Variants in PTPRN2 observed in about 807,000 individuals in gnomAD.
PTPRN2 encodes receptor-type tyrosine-protein phosphatase N2.
Under a neutral mutation model 118.8 loss-of-function variants are expected in PTPRN2, and 74 were observed. The observed-to-expected ratio is 0.62, with a 90% CI of 0.52 to 0.76. PTPRN2 has a LOEUF of 0.76. PTPRN2 is among the 30% of genes least tolerant of loss of function. The pLI is 0.00. For synonymous variants in PTPRN2, 641 were observed against 608.0 expected, an observed-to-expected ratio of 1.05 and a Z score of -0.80; for missense variants, 1,481 against 1,394.4, an observed-to-expected ratio of 1.06 and a Z score of -0.99.
At position 157,986,158 on chromosome 7, in the gene PTPRN2, C is replaced by T. The variant is rs929288010; in HGVS notation, c.1724-87421G>A. 2.0e-5 allele frequency among the ~76,000 whole-genome samples: 3 copies of T among 152,162 alleles called. No homozygotes were observed. The highest frequency in any genetic ancestry group is 7.2e-5 in the African/African-American group (3 of 41,424). On this transcript the variant is annotated intron_variant, in intron 11 of 22. Coordinates refer to ENST00000389418, the MANE Select transcript of PTPRN2 (RefSeq NM_002847.5). The surrounding 1 kb of genome is among the most constrained non-coding windows in gnomAD (Gnocchi z 4.5). ...AGCATGAGATAGATACCCTCATCTACAGCCCCGCTCTCGTATGTCCGGGGG... is the reference window on the plus strand; with the variant it reads ...AGCATGAGATAGATACCCTCATCTATAGCCCCGCTCTCGTATGTCCGGGGG...
intron 6 of PTPRN2, among the ~76,000 whole-genome samples, chr7:158,146,491 G>A (rs1460700779): frequency 2.0e-5 from 3 of 152,030 alleles, no homozygotes; most frequent in Non-Finnish European, 4.4e-5. Flanking sequence ...GGACGCTGAG[G>A]CATGCGGATC....
intron 11 of PTPRN2, among the ~76,000 whole-genome samples, chr7:158,075,006 T>C (rs1254944350): frequency 6.7e-6 from 1 of 150,260 alleles, no homozygotes; most frequent in East Asian, 1.9e-4. Context: ...GCCCTGTCGA[T>C]GGCGATGCAA....
At chr7:157,961,188 CTT>C (rs1179092472) in intron 11 of PTPRN2, among the ~76,000 whole-genome samples, 2 of 152,122 alleles carry the variant, frequency 1.3e-5, no homozygotes, top group African/African-American at 4.8e-5. Context: ...TTTCTTTCCT[CTT>C]TTGATTTTTT....
At chr7:157,899,960 G>T (rs544765955) in intron 11 of PTPRN2, among the ~76,000 whole-genome samples, 1 of 152,126 alleles carries the variant, frequency 6.6e-6, no homozygotes, top group South Asian at 2.1e-4. Flanking sequence ...CTGTCCTCCC[G>T]CAAACAGAGG....
At chr7:158,200,014 C>T (rs1194510553) in intron 4 of PTPRN2, among the ~76,000 whole-genome samples, 1 of 152,016 alleles carries the variant, frequency 6.6e-6, no homozygotes, top group Non-Finnish European at 1.5e-5. Flanking sequence ...ATTACGAATA[C>T]TAAAGAAGAG....
intron 2 of PTPRN2, among the ~76,000 whole-genome samples, chr7:158,414,292 G>T (rs890365908): frequency 3.9e-5 from 6 of 152,080 alleles, no homozygotes; most frequent in Non-Finnish European, 5.9e-5. Context: ...AAGACAAAGG[G>T]GCTGACAGGG....
rs934017791 is a variant in PTPRN2 at position 158,163,487 on chromosome 7, C to A, written c.910+3444G>T. 2.0e-5 allele frequency among the ~76,000 whole-genome samples: 3 copies of A among 148,336 alleles called. No individual in the cohort carries two copies. In the Admixed American group the frequency reaches 2.0e-4, roughly 10 times the overall value. On this transcript the variant is annotated intron_variant, in intron 6 of 22. Coordinates refer to ENST00000389418, the MANE Select transcript of PTPRN2 (RefSeq NM_002847.5). ...TTCTCTGCGTGTTTTGTAGGTGATA[C>A]CTGTACGGGGTTCTCAATTCTCTCT...
In PTPRN2 at chr7:157,964,873, G is replaced by A. The variant is rs1397939845; in HGVS notation, c.1724-66136C>T. On this transcript the variant is annotated intron_variant, in intron 11 of 22. Transcript: ENST00000389418. The surrounding 1 kb of genome is among the most constrained non-coding windows in gnomAD (Gnocchi z 9.0). ...TTTCTCCACCGCACAGACTCGCCAG[G>A]GCTTTGGTTTGTGAGTGCCCTGCAC... is the stretch of plus-strand genomic sequence containing the variant. 6.6e-6 allele frequency among the ~76,000 whole-genome samples: 1 copy of A among 152,208 alleles called. No homozygotes were observed. The highest frequency in any genetic ancestry group is 1.5e-5 in the Non-Finnish European group (1 of 68,050).
At chr7:158,063,944 T>C (rs1810560449) in intron 11 of PTPRN2, among the ~76,000 whole-genome samples, 1 of 152,168 alleles carries the variant, frequency 6.6e-6, no homozygotes, top group Admixed American at 6.5e-5. Flanking sequence ...GCTCAGAAAG[T>C]GAGACACACT....
intron 12 of PTPRN2, among the ~76,000 whole-genome samples, chr7:157,895,411 C>T (rs537033292): frequency 7.3e-5 from 11 of 151,332 alleles, no homozygotes; most frequent in African/African-American, 1.9e-4. Context: ...AGGATCTGGA[C>T]GAGACCATAA....
intron 2 of PTPRN2, among the ~76,000 whole-genome samples, chr7:158,363,428 A>G (rs1024087112): frequency 2.0e-5 from 3 of 152,086 alleles, no homozygotes; most frequent in Non-Finnish European, 4.4e-5. Context: ...AAAAAACAAA[A>G]CATACAAGTG....
intron 3 of PTPRN2, among the ~76,000 whole-genome samples, chr7:158,253,579 G>A (rs558800814): frequency 3.9e-4 from 59 of 152,228 alleles, no homozygotes; most frequent in African/African-American, 1.3e-3. Context: ...CCAGGACCGC[G>A]CCCCACAGGA....
Position 157,813,915 on chromosome 7 carries a change from C to G in PTPRN2, c.1788+84758G>C, listed in dbSNP as rs1806216059. ...GTTCCCCAGGTGATGCTGCTGGTGA[C>G]CCCGGGGACCCCGCCGTGAGAGCCC... On this transcript the variant is annotated intron_variant, in intron 12 of 22. Transcript: ENST00000389418. The surrounding 1 kb of genome is among the most constrained non-coding windows in gnomAD (Gnocchi z 4.7). Among the ~76,000 whole-genome samples the G allele has an allele frequency of 6.6e-6, 1 of 152,260 alleles. No individual in the cohort carries two copies. Among genetic ancestry groups the G allele is most frequent in the Admixed American group, 6.5e-5 (1 of 15,292 alleles).
intron 12 of PTPRN2, among the ~76,000 whole-genome samples, chr7:157,786,694 C>G (rs537307163): frequency 6.6e-6 from 1 of 152,388 alleles, no homozygotes; most frequent in East Asian, 1.9e-4. Flanking sequence ...AAAGCACCCT[C>G]TCATTGCAAT....
At chr7:157,543,248 C>T (rs1006108504) in intron 22 of PTPRN2, among the ~76,000 whole-genome samples, 6 of 152,182 alleles carry the variant, frequency 3.9e-5, no homozygotes, top group African/African-American at 9.6e-5. Flanking sequence ...TTCGAGAGGC[C>T]GAGTCAGGAC....
chr7:157,996,994 A>G (rs1256223418), intron 11 of PTPRN2, among the ~76,000 whole-genome samples: 13 of 152,158 alleles, frequency 8.5e-5, no homozygotes, highest in Non-Finnish European at 2.9e-5. Context: ...ACCAAGCTCT[A>G]AGTCCTGCTG....
chr7:157,793,519 G>C (rs1205880583), intron 12 of PTPRN2, among the ~76,000 whole-genome samples: 3 of 152,184 alleles, frequency 2.0e-5, no homozygotes, highest in African/African-American at 7.2e-5. Flanking sequence ...CTGGGGTGGG[G>C]GCAAGGGCGG....
At chr7:157,892,013 G>A (rs866982598) in intron 12 of PTPRN2, among the ~76,000 whole-genome samples, 5 of 152,158 alleles carry the variant, frequency 3.3e-5, no homozygotes, top group African/African-American at 7.2e-5. Flanking sequence ...ACTCAGGGTC[G>A]GCCACTTCTC....
chr7:157,750,787 C>T (rs1010759356), intron 12 of PTPRN2, among the ~76,000 whole-genome samples: 5 of 152,332 alleles, frequency 3.3e-5, no homozygotes, highest in East Asian at 3.9e-4. Flanking sequence ...TCAGTGGGTT[C>T]GGAAACAGCT....
Sources: gnomAD v4.1 joint callset for allele counts (sites outside exome capture counted in the v4.1 genomes callset) on GRCh38, gnomAD v4.1.1 for gene constraint, Gnocchi (gnomAD v3.1) non-coding constraint, MANE v1.5 for transcripts, NCBI Gene and HGNC (gene_info 2026-07-23, HGNC 2026-07-21) for gene names.